Variants in ADAMTSL1 observed in about 807,000 individuals in gnomAD.
ADAMTSL1 encodes the protein ADAMTS like 1, also known as ADAMTS-like protein 1.
In ADAMTSL1, 126 loss-of-function variants were observed where a neutral mutation model predicts 201.8. The observed-to-expected ratio is 0.62, with a 90% CI of 0.54 to 0.72. The LOEUF (loss-of-function observed/expected upper bound fraction) is 0.72. ADAMTSL1 is among the 30% of genes least tolerant of loss of function. The pLI, the probability that ADAMTSL1 is intolerant of heterozygous loss-of-function variation, is 0.00. For synonymous variants in ADAMTSL1, 1,121 were observed against 903.4 expected, an observed-to-expected ratio of 1.24 and a Z score of -4.32; for missense variants, 2,679 against 2,277.8, an observed-to-expected ratio of 1.18 and a Z score of -3.59.
At chr9:18,195,602 A>G (rs1364495260) in intron 2 of ADAMTSL1, among the ~76,000 whole-genome samples, 2 of 152,086 alleles carry the variant, frequency 1.3e-5, no homozygotes, top group East Asian at 1.9e-4. Context: ...TTGCAAGGAG[A>G]CATTTCTTCT....
chr9:18,361,798 C>G (rs1257069006), intron 2 of ADAMTSL1, among the ~76,000 whole-genome samples: 3 of 152,160 alleles, frequency 2.0e-5, no homozygotes, highest in African/African-American at 7.2e-5. Flanking sequence ...TCCAACCAAA[C>G]CCAACTAAAT....
At chr9:18,158,936 G>T (rs1346255154) in intron 1 of ADAMTSL1, among the ~76,000 whole-genome samples, 1 of 151,920 alleles carries the variant, frequency 6.6e-6, no homozygotes, top group Non-Finnish European at 1.5e-5. Flanking sequence ...CTAATACTTA[G>T]CAGTGGTCCT....
At chr9:18,775,223 T>A (rs1012098428) in intron 17 of ADAMTSL1, among the ~76,000 whole-genome samples, 1 of 152,210 alleles carries the variant, frequency 6.6e-6, no homozygotes, top group Non-Finnish European at 1.5e-5. Flanking sequence ...ACATCTTTTC[T>A]TCTTAACATC....
chr9:18,222,080 C>G (rs974818329), intron 2 of ADAMTSL1, among the ~76,000 whole-genome samples: 2 of 151,878 alleles, frequency 1.3e-5, no homozygotes, highest in Admixed American at 6.6e-5. Flanking sequence ...CTATTTTATT[C>G]CATATTAAAA....
chr9:18,033,820 C>T (rs1021329435), intron 1 of ADAMTSL1, among the ~76,000 whole-genome samples: 2 of 152,122 alleles, frequency 1.3e-5, no homozygotes, highest in South Asian at 2.1e-4. Context: ...GAGGGGAGAC[C>T]CCTCTCTTAT....
At position 18,761,643 on chromosome 9, in the gene ADAMTSL1, T is replaced by C. The variant is rs1449679406; in HGVS notation, c.2217+8135T>C. Among the ~76,000 whole-genome samples the C allele has an allele frequency of 2.0e-5, 3 of 152,332 alleles. No homozygotes were observed. The East Asian group carries it at 5.8e-4, about 29-fold the overall frequency. ...GCCATTGCTCCTTTGGAAACATTTTTTTCTTTGCATCCTGCCTCTTGCATA... is the reference window on the plus strand; with the variant it reads ...GCCATTGCTCCTTTGGAAACATTTTCTTCTTTGCATCCTGCCTCTTGCATA... On this transcript the variant is annotated intron_variant, in intron 16 of 28. Coordinates refer to ENST00000380548, the MANE Select transcript of ADAMTSL1 (RefSeq NM_001040272.6).
intron 21 of ADAMTSL1, among the ~76,000 whole-genome samples, chr9:18,822,273 G>A (rs987382481): frequency 5.3e-5 from 8 of 152,028 alleles, no homozygotes; most frequent in African/African-American, 9.7e-5. Flanking sequence ...ATCATCTCCC[G>A]CAACCTGACC....
intron 15 of ADAMTSL1, among the ~76,000 whole-genome samples, chr9:18,729,938 G>A (rs1006151572): frequency 2.0e-5 from 3 of 152,174 alleles, no homozygotes; most frequent in Admixed American, 6.6e-5. Flanking sequence ...TTCTTCTGTG[G>A]ATATGGTGAT....
intron 2 of ADAMTSL1, among the ~76,000 whole-genome samples, chr9:18,311,102 G>C (rs1563877646): frequency 6.6e-6 from 1 of 151,748 alleles, no homozygotes; most frequent in East Asian, 1.9e-4. Context: ...AGTAACACAG[G>C]AACAGAAAAC....
chr9:18,806,446 G>T (rs1823124298), intron 20 of ADAMTSL1, among the ~76,000 whole-genome samples: 2 of 152,182 alleles, frequency 1.3e-5, no homozygotes, highest in Admixed American at 1.3e-4. Context: ...CTCTGCCATG[G>T]CTTCTAAAAT....
At chr9:18,775,219 TTTC>T (rs1204197244) in intron 17 of ADAMTSL1, among the ~76,000 whole-genome samples, 1 of 152,220 alleles carries the variant, frequency 6.6e-6, no homozygotes, top group Non-Finnish European at 1.5e-5. Context: ...TTGCACATCT[TTTC>T]TTCTTAACAT....
At chr9:18,733,288 G>A (rs1437953857) in intron 15 of ADAMTSL1, among the ~76,000 whole-genome samples, 1 of 152,170 alleles carries the variant, frequency 6.6e-6, no homozygotes, top group Non-Finnish European at 1.5e-5. Context: ...TATACTCTCA[G>A]TTACCAAAAG....
intron 2 of ADAMTSL1, among the ~76,000 whole-genome samples, chr9:18,310,479 C>A (rs1834103590): frequency 6.7e-6 from 1 of 148,462 alleles, no homozygotes; most frequent in Admixed American, 6.9e-5. Flanking sequence ...GACTAATATC[C>A]AGAATCTATA....
chr9:18,551,546 ATTT>A lies in ADAMTSL1; in HGVS notation c.237+18269_237+18271del, dbSNP rs34453171. 9.1e-3 allele frequency among the ~76,000 whole-genome samples: 1,313 copies of A among 143,880 alleles called. 21 individuals carry two copies. Among genetic ancestry groups the A allele is most frequent in the African/African-American group, 0.03 (1,163 of 39,330 alleles). The allele number at this position is 143,880 out of a possible 152,430, so 94.4% of individuals were successfully genotyped here. On this transcript the variant is annotated intron_variant, in intron 3 of 28. Transcript: ENST00000380548. ...GGGGAAGATTTTTCATTACCGCTGA[ATTT>A]TTTTTTTTTTTTTTAAGTCTACATG...
chr9:18,719,218 C>T (rs1833171463), intron 14 of ADAMTSL1, among the ~76,000 whole-genome samples: 1 of 152,114 alleles, frequency 6.6e-6, no homozygotes, highest in Non-Finnish European at 1.5e-5. Context: ...ATCTCAAATG[C>T]TCCACCCTGA....
chr9:18,455,376 A>G (rs1053488717), intron 2 of ADAMTSL1, among the ~76,000 whole-genome samples: 3 of 152,226 alleles, frequency 2.0e-5, no homozygotes, highest in African/African-American at 7.2e-5. Flanking sequence ...TCCACAGAAT[A>G]CCTTTCTCCC....
At chr9:18,843,453 T>C (rs1217052261) in intron 23 of ADAMTSL1, among the ~76,000 whole-genome samples, 1 of 150,964 alleles carries the variant, frequency 6.6e-6, no homozygotes. Flanking sequence ...CCTTTCTCTC[T>C]GGCTGCGTTT....
intron 2 of ADAMTSL1, among the ~76,000 whole-genome samples, chr9:18,312,704 C>A (rs184602480): frequency 6.6e-6 from 1 of 152,144 alleles, no homozygotes; most frequent in African/African-American, 2.4e-5. Flanking sequence ...GAAATCAAAC[C>A]TGTTGATTCC....
At chr9:17,919,680 C>G (rs2131289281) in intron 1 of ADAMTSL1, among the ~76,000 whole-genome samples, 1 of 152,130 alleles carries the variant, frequency 6.6e-6, no homozygotes, top group Non-Finnish European at 1.5e-5. Context: ...GAGTATTATT[C>G]CATTGTATGA....
Sources: allele counts gnomAD v4.1 joint callset (sites outside exome capture counted in the v4.1 genomes callset), GRCh38; gene constraint gnomAD v4.1.1; transcripts MANE v1.5; gene names NCBI Gene and HGNC (gene_info 2026-07-23, HGNC 2026-07-21).